Variants in ACBD6 observed in about 807,000 individuals in gnomAD.
ACBD6 encodes acyl-CoA binding domain containing 6, also known as acyl-CoA-binding domain-containing protein 6.
Under a neutral mutation model 37.2 loss-of-function variants are expected in ACBD6, and 28 were observed. The ratio of observed to expected loss-of-function variants is 0.75; its 90% CI spans 0.56 to 1.03. ACBD6 has a LOEUF of 1.03. Among genes scored for constraint, ACBD6 ranks in the 50% least tolerant of loss-of-function variants. The probability of loss-of-function intolerance (pLI) is 0.00; values close to 1 mark genes in which losing one functional copy is unlikely to be tolerated. For synonymous variants in ACBD6, 113 were observed against 126.8 expected (o/e 0.89, Z 0.73); for missense variants, 340 against 337.4 (o/e 1.01, Z -0.06).
intron 3 of ACBD6, among the ~76,000 whole-genome samples, chr1:180,445,777 G>T (rs899233776): frequency 2.0e-5 from 3 of 151,726 alleles, no homozygotes; most frequent in Non-Finnish European, 4.4e-5. Flanking sequence ...AAAAAAAAAA[G>T]ATTTGATGAA....
chr1:180,304,936 G>A (rs1206916439), intron 7 of ACBD6, among the ~76,000 whole-genome samples: 5 of 151,928 alleles, frequency 3.3e-5, no homozygotes, highest in South Asian at 4.1e-4. Flanking sequence ...CAGAGCCCTC[G>A]GAAATAATGC....
chr1:180,480,859 TG>T (rs1651008264), intron 3 of ACBD6, among the ~76,000 whole-genome samples: 1 of 151,992 alleles, frequency 6.6e-6, no homozygotes, highest in Non-Finnish European at 1.5e-5. Context: ...GGTGAGGCCT[TG>T]TCTCTACTGA....
chr1:180,318,723 T>G (rs992322263), intron 6 of ACBD6, among the ~76,000 whole-genome samples: 4 of 152,138 alleles, frequency 2.6e-5, no homozygotes, highest in Non-Finnish European at 5.9e-5. Context: ...CTATGCCAAT[T>G]CTGTCAGTGG....
Position 180,502,505 on chromosome 1 carries a change from G to T in ACBD6, c.-239C>A. Reference sequence around the variant, plus strand: ...CTGCCCAGTCGACCCGGTCTCCTCCGGCTTCCCTCCGGCCAACAGCGCGCT... The same window carrying T: ...CTGCCCAGTCGACCCGGTCTCCTCCTGCTTCCCTCCGGCCAACAGCGCGCT... On this transcript the variant is annotated 5_prime_UTR_variant, in exon 1 of 8. Transcript: ENST00000367595. The T allele has an allele frequency of 1.8e-6, 1 of 561,288 alleles. No homozygotes were observed. The highest frequency in any genetic ancestry group is 3.2e-6 in the Non-Finnish European group (1 of 311,676). The allele number at this position is 561,288 out of a possible 1,614,324, so 34.8% of individuals were successfully genotyped here.
At chr1:180,457,315 C>G (rs540491213) in intron 3 of ACBD6, among the ~76,000 whole-genome samples, 2 of 152,332 alleles carry the variant, frequency 1.3e-5, no homozygotes, top group East Asian at 3.9e-4. Flanking sequence ...CATATAATTT[C>G]TACATATGGT....
intron 7 of ACBD6, among the ~76,000 whole-genome samples, chr1:180,297,719 T>C (rs1571329908): frequency 6.6e-6 from 1 of 152,144 alleles, no homozygotes; most frequent in Admixed American, 6.5e-5. Context: ...GACTTTAAAA[T>C]TGCCTCCCAA....
chr1:180,482,575 G>A (rs1035038771), intron 3 of ACBD6, among the ~76,000 whole-genome samples: 7 of 151,256 alleles, frequency 4.6e-5, no homozygotes, highest in Non-Finnish European at 1.0e-4. Context: ...GAAAACACTA[G>A]AAATTCCCGA....
intron 3 of ACBD6, among the ~76,000 whole-genome samples, chr1:180,446,056 A>G (rs931599803): frequency 6.6e-6 from 1 of 152,072 alleles, no homozygotes; most frequent in Non-Finnish European, 1.5e-5. Flanking sequence ...AGGCTGGAGT[A>G]CAGTGGGTGA....
At chr1:180,390,973 G>A (rs1054314553) in intron 6 of ACBD6, among the ~76,000 whole-genome samples, 1 of 151,930 alleles carries the variant, frequency 6.6e-6, no homozygotes, top group African/African-American at 2.4e-5. Flanking sequence ...ATTAACATAA[G>A]GAAAGACATA....
chr1:180,300,001 C>T (rs930517981), intron 7 of ACBD6, among the ~76,000 whole-genome samples: 6 of 152,030 alleles, frequency 3.9e-5, no homozygotes, highest in African/African-American at 2.4e-5. Context: ...AGTAGAATAC[C>T]GGCCTCTAGT....
chr1:180,485,003 G>GGGGTTGCAGTGAGCGC (rs1431632544), intron 3 of ACBD6, among the ~76,000 whole-genome samples: 4 of 151,930 alleles, frequency 2.6e-5, no homozygotes, highest in African/African-American at 9.7e-5. Flanking sequence ...CCGGAAGGCG[G>GGGGTTGCAGTGAGCGC]GGGTTGCAGT....
rs1290825301 is a variant in ACBD6, at chr1:180,495,510, A to T, written c.238T>A (p.Cys80Ser). The T allele has an allele frequency of 6.2e-7, 1 of 1,610,966 alleles. No individual in the cohort carries two copies. The change falls in exon 2 of 8, where the codon TGT becomes AGT. Residue 80 changes from cysteine to serine, a missense_variant. Physicochemically the swap from Cys to Ser is moderately radical, Grantham distance 112 (BLOSUM62 -1). Coordinates refer to ENST00000367595, the MANE Select transcript of ACBD6 (RefSeq NM_032360.4). ...ARYKQVKVGN[C>S]NTPKPSFFDF... ...AAGAAGCTTGGTTTAGGAGTATTACAATTTCCAACTTTGACCTAAATGAGG... is the reference window on the plus strand; with the variant it reads ...AAGAAGCTTGGTTTAGGAGTATTACTATTTCCAACTTTGACCTAAATGAGG...
At chr1:180,383,035 A>C (rs1653717021) in intron 6 of ACBD6, among the ~76,000 whole-genome samples, 1 of 152,234 alleles carries the variant, frequency 6.6e-6, no homozygotes, top group African/African-American at 2.4e-5. Context: ...CATAGATGGA[A>C]CATACCTCAA....
intron 7 of ACBD6, among the ~76,000 whole-genome samples, chr1:180,299,396 G>C (rs796726071): frequency 2.6e-5 from 4 of 152,282 alleles, no homozygotes; most frequent in African/African-American, 9.6e-5. Context: ...GCTTGAGCAA[G>C]TCTATAGGGA....
chr1:180,443,947 A>G (rs190277513), intron 3 of ACBD6, among the ~76,000 whole-genome samples: 401 of 151,960 alleles, frequency 2.6e-3, no homozygotes, highest in African/African-American at 9.4e-3. Context: ...GTAACTTTAC[A>G]CTACTTATAA....
intron 3 of ACBD6, chr1:180,434,862 T>C: frequency 1.3e-6 from 1 of 754,406 alleles, no homozygotes; most frequent in South Asian, 1.4e-5. Flanking sequence ...TCACCAAGGG[T>C]TATGGATTTG....
chr1:180,316,759 G>A (rs1650830004), intron 6 of ACBD6, among the ~76,000 whole-genome samples: 1 of 152,150 alleles, frequency 6.6e-6, no homozygotes. Flanking sequence ...TCCAGTCACT[G>A]TTCTAGGCAC....
Position 180,342,336 on chromosome 1 carries a change from G to A in ACBD6, c.664-27614C>T, listed in dbSNP as rs193130052. On this transcript the variant is annotated intron_variant, in intron 6 of 7. Transcript: ENST00000367595. ...TTTCAACTCTGAATTGTTTGTATGC[G>A]TCTAAGCACTTTGATAAAGGATAGG... Among the ~76,000 whole-genome samples the A allele has an allele frequency of 9.2e-5, 14 of 152,204 alleles. No individual in the cohort carries two copies. The East Asian group carries it at 9.6e-4, about 10-fold the overall frequency.
intron 6 of ACBD6, among the ~76,000 whole-genome samples, chr1:180,374,758 T>C (rs7538303): frequency 6.6e-6 from 1 of 152,094 alleles, no homozygotes; most frequent in South Asian, 2.1e-4. Context: ...ATTTGAAATA[T>C]AGACAATGAC....
Sources: gnomAD v4.1 joint callset for allele counts (sites outside exome capture counted in the v4.1 genomes callset) on GRCh38, gnomAD v4.1.1 for gene constraint, MANE v1.5 for transcripts, NCBI Gene and HGNC (gene_info 2026-07-23, HGNC 2026-07-21) for gene names.